Variants in ACAP2 observed in about 807,000 individuals in gnomAD.
ACAP2 encodes ArfGAP with coiled-coil, ankyrin repeat and PH domains 2, also known as arf-GAP with coiled-coil, ANK repeat and PH domain-containing protein 2.
ACAP2 carries 39 observed loss-of-function variants against 115.8 expected under a neutral mutation model. The observed-to-expected ratio is 0.34, with a 90% confidence interval of 0.26 to 0.44. The LOEUF is 0.44. ACAP2 is among the 20% of genes least tolerant of loss of function. The pLI, the probability that ACAP2 is intolerant of heterozygous loss-of-function variation, is 1.00. For synonymous variants in ACAP2, 289 were observed against 315.8 expected (o/e 0.92, Z 0.90); for missense variants, 662 against 927.6 (o/e 0.71, Z 3.72).
intron 1 of ACAP2, among the ~76,000 whole-genome samples, chr3:195,435,183 CTTTT>C (rs560835377): frequency 1.3e-4 from 19 of 147,520 alleles, no homozygotes; most frequent in African/African-American, 4.3e-4. Context: ...TTTGAGATCT[CTTTT>C]TTTTTTAGAC....
At chr3:195,287,718 A>G (rs1277788599) in intron 21 of ACAP2, among the ~76,000 whole-genome samples, 1 of 152,216 alleles carries the variant, frequency 6.6e-6, no homozygotes, top group Non-Finnish European at 1.5e-5. Context: ...TGCCTACAGA[A>G]TTAGAGAATC....
chr3:195,316,086 T>TTA (rs1729072579), intron 10 of ACAP2, among the ~76,000 whole-genome samples: 1 of 152,200 alleles, frequency 6.6e-6, no homozygotes, highest in African/African-American at 2.4e-5. Flanking sequence ...TTGTTAAACT[T>TTA]TAAGTAGGTT....
chr3:195,415,928 T>C (rs1396184777), intron 1 of ACAP2, among the ~76,000 whole-genome samples: 1 of 151,888 alleles, frequency 6.6e-6, no homozygotes, highest in Non-Finnish European at 1.5e-5. Flanking sequence ...TAACAAAGGA[T>C]TAGACTATCT....
At chr3:195,291,517 G>C (rs1275434562) in intron 20 of ACAP2, among the ~76,000 whole-genome samples, 189 bp downstream of exon 20, 2 of 152,138 alleles carry the variant, frequency 1.3e-5, no homozygotes, top group African/African-American at 4.8e-5. Context: ...TTTTGTATCT[G>C]AAAACCAATA....
rs185690719 is a variant in ACAP2 at position 195,305,857 on chromosome 3, T to G, written c.1116+654A>C. 1.7e-4 allele frequency among the ~76,000 whole-genome samples: 25 copies of G among 145,822 alleles called. No individual in the cohort carries two copies. The East Asian group carries it at 5.5e-3, about 32-fold the overall frequency. On this transcript the variant is annotated intron_variant, in intron 13 of 22. Transcript: ENST00000326793. Reference sequence around the variant, plus strand: ...CCTGAAAAGGTTCTGCTTTGATCTATGATCTATATTTGGGAGCTGGAAGTT... The same window carrying G: ...CCTGAAAAGGTTCTGCTTTGATCTAGGATCTATATTTGGGAGCTGGAAGTT...
intron 1 of ACAP2, among the ~76,000 whole-genome samples, chr3:195,438,200 G>A (rs1004159046): frequency 1.3e-5 from 2 of 151,072 alleles, no homozygotes; most frequent in African/African-American, 4.9e-5. Flanking sequence ...TAATTTTTTT[G>A]TATTTTTAGT....
At chr3:195,424,221 CAT>C (rs1491572871) in intron 1 of ACAP2, among the ~76,000 whole-genome samples, 7 of 94,288 alleles carry the variant, frequency 7.4e-5, no homozygotes, top group Admixed American at 2.5e-4. Flanking sequence ...TTAGAATGGT[CAT>C]ATGTGTGTGT....
chr3:195,394,553 C>T (rs1392934638), intron 1 of ACAP2, among the ~76,000 whole-genome samples: 3 of 152,200 alleles, frequency 2.0e-5, no homozygotes, highest in South Asian at 2.1e-4. Flanking sequence ...CAGTGGCTCA[C>T]GCCTGTAATC....
Position 195,392,096 on chromosome 3 carries a change from A to T in ACAP2, c.105T>A (p.Leu35=). 6.2e-7 allele frequency: 1 copy of T among 1,612,428 alleles called. No individual in the cohort carries two copies. Among genetic ancestry groups the T allele is most frequent in the Non-Finnish European group, 8.5e-7 (1 of 1,179,258 alleles). The change falls in exon 2 of 23, where the codon CTT becomes CTA. Residue 35 remains leucine (L), a synonymous_variant. Transcript: ENST00000326793. ...EGDVAELELK[L]DKLVKLCIAM... is the part of the protein sequence containing the mutation. Reference sequence around the variant, plus strand: ...GCTAACTTGTAAAATTTACCTTATCAAGTTTTAGTTCCAATTCTGCCACAT... The same window carrying T: ...GCTAACTTGTAAAATTTACCTTATCTAGTTTTAGTTCCAATTCTGCCACAT...
rs560643876 is a variant in ACAP2, at chr3:195,307,403, C to T, written c.910-80G>A. 7.7e-5 allele frequency: 63 copies of T among 820,334 alleles called. 1 individual carries two copies. In the South Asian group the frequency reaches 1.0e-3, roughly 13 times the overall value. 50.8% of individuals were successfully genotyped at this position (820,334 alleles called of 1,614,324 possible). A position where few individuals can be genotyped will look rare whatever the true frequency, so the allele number is the denominator to read the frequency against. On this transcript the variant is annotated intron_variant, in intron 11 of 22. Transcript: ENST00000326793. ...AATAATGAAATACTTAAAAATATTA[C>T]TTGGCATAACTGGTCTAATTTTCAA...
chr3:195,339,814 G>A (rs1730752142), intron 6 of ACAP2, among the ~76,000 whole-genome samples: 2 of 151,972 alleles, frequency 1.3e-5, no homozygotes, highest in Non-Finnish European at 1.5e-5. Context: ...AATCCTCCCA[G>A]TATAAAATTT....
intron 17 of ACAP2, chr3:195,295,183 G>T (rs1208482452): frequency 1.6e-6 from 2 of 1,243,438 alleles, no homozygotes; most frequent in Non-Finnish European, 2.1e-6. Flanking sequence ...TGCTCCACAA[G>T]AGTAGTACTT....
At chr3:195,424,240 GTGTGGT>G (rs1284364496) in intron 1 of ACAP2, among the ~76,000 whole-genome samples, 2 of 98,042 alleles carry the variant, frequency 2.0e-5, no homozygotes, top group African/African-American at 3.9e-5. Flanking sequence ...GTGTGTGTGT[GTGTGGT>G]GTGTGTGTGT....
In ACAP2 at chr3:195,336,916, T is replaced by C. The variant is rs199612308; in HGVS notation, c.573+16A>G. On this transcript the variant is annotated intron_variant, in intron 7 of 22. Transcript: ENST00000326793. ...ATATTAAAATATTTAAAACATCATT[T>C]CAATTAATGTCTTACTGATTTTAGG... 1.3e-6 allele frequency: 2 copies of C among 1,573,448 alleles called. No individual in the cohort carries two copies. The highest frequency in any genetic ancestry group is 1.7e-6 in the Non-Finnish European group (2 of 1,147,148).
At position 195,442,984 on chromosome 3, in the gene ACAP2, G is replaced by A; in HGVS notation, c.-137C>T. The A allele has an allele frequency of 2.8e-6, 2 of 712,168 alleles. No individual in the cohort carries two copies. The highest frequency in any genetic ancestry group is 4.3e-6 in the Non-Finnish European group (2 of 470,070). The allele number at this position is 712,168 out of a possible 1,614,324, so 44.1% of individuals were successfully genotyped here. A position where few individuals can be genotyped will look rare whatever the true frequency, so the allele number is the denominator to read the frequency against. On this transcript the variant is annotated 5_prime_UTR_variant, in exon 1 of 23. Transcript: ENST00000326793. ...AGCTGCGAAGGGCGCCTCGCCCGCT[G>A]GTCATAGCAGCCGCGAAGACGGCGA...
intron 2 of ACAP2, among the ~76,000 whole-genome samples, chr3:195,384,099 C>T (rs1734129055): frequency 6.6e-6 from 1 of 152,158 alleles, no homozygotes; most frequent in South Asian, 2.1e-4. Flanking sequence ...TACATACCTT[C>T]TAACTTCGCA....
intron 8 of ACAP2, among the ~76,000 whole-genome samples, chr3:195,331,721 CAAT>C (rs1187376423): frequency 4.0e-5 from 6 of 151,834 alleles, no homozygotes; most frequent in Admixed American, 3.9e-4. Flanking sequence ...GAATGTTCGT[CAAT>C]AAAAAACAAT....
intron 12 of ACAP2, chr3:195,306,902 ATT>A (rs11287856): frequency 3.4e-6 from 1 of 290,586 alleles, no homozygotes; most frequent in Non-Finnish European, 6.1e-6. Context: ...AGAAACACTC[ATT>A]TTTTTTTCTA....
chr3:195,358,143 G>C (rs1347468891), intron 4 of ACAP2, among the ~76,000 whole-genome samples: 3 of 152,092 alleles, frequency 2.0e-5, no homozygotes, highest in Admixed American at 6.6e-5. Flanking sequence ...AAGTGTCCAA[G>C]AACTACAGCA....
Sources: gnomAD v4.1 joint callset for allele counts (sites outside exome capture counted in the v4.1 genomes callset) on GRCh38, gnomAD v4.1.1 for gene constraint, MANE v1.5 for transcripts, NCBI Gene and HGNC (gene_info 2026-07-23, HGNC 2026-07-21) for gene names.